Variants in PLA2G4D observed in about 807,000 individuals in gnomAD.
The protein encoded by PLA2G4D is cytosolic phospholipase A2 delta.
Under a neutral mutation model 94.4 loss-of-function variants are expected in PLA2G4D, and 80 were observed. That is an observed-to-expected ratio of 0.85 (90% CI 0.71 to 1.02). PLA2G4D has a LOEUF of 1.02. Among genes scored for constraint, PLA2G4D ranks in the 50% least tolerant of loss-of-function variants. The pLI is 0.00. For synonymous variants in PLA2G4D, 438 were observed against 440.9 expected (o/e 0.99, Z 0.08); for missense variants, 1,050 against 1,034.7 (o/e 1.01, Z -0.20).
intron 1 of PLA2G4D, among the ~76,000 whole-genome samples, chr15:42,093,023 G>C (rs1176092729): frequency 6.6e-6 from 1 of 152,196 alleles, no homozygotes; most frequent in African/African-American, 2.4e-5. Context: ...ACCTCCCTCA[G>C]GCTGGGCTGA....
intron 8 of PLA2G4D, among the ~76,000 whole-genome samples, chr15:42,082,693 C>T (rs976602340): frequency 6.6e-6 from 1 of 151,906 alleles, no homozygotes; most frequent in Non-Finnish European, 1.5e-5. Flanking sequence ...AGGTGGAGTG[C>T]GTGGGGTTTA....
chr15:42,069,027 T>C (rs1394763182), intron 19 of PLA2G4D, 86 bp from the exon 20 acceptor site: 19 of 1,224,960 alleles, frequency 1.6e-5, no homozygotes, highest in Non-Finnish European at 2.1e-5. Flanking sequence ...CTGCCCCCGC[T>C]GGAGGGGCCC....
rs577843274 is a variant in PLA2G4D, at chr15:42,080,340, T to C, written c.1095-581A>G. 2.0e-5 allele frequency among the ~76,000 whole-genome samples: 3 copies of C among 152,256 alleles called. No homozygotes were observed. The South Asian group carries it at 6.2e-4, about 32-fold the overall frequency. Reference sequence around the variant, plus strand: ...GAGGCGTTTCCTCTTCTTTTACTCCTCAAAGTCGCATTTCAATAAGACTCA... The same window carrying C: ...GAGGCGTTTCCTCTTCTTTTACTCCCCAAAGTCGCATTTCAATAAGACTCA... On this transcript the variant is annotated intron_variant, in intron 12 of 19. Transcript: ENST00000290472.
chr15:42,080,918 C>G lies in PLA2G4D; in HGVS notation c.1094+79G>C, dbSNP rs72727758. ...ATCACACCTACTTGGCCTCCCCACA[C>G]AAAGTGTCCCTCTGGTGCCCACTCT... On this transcript the variant is annotated intron_variant, in intron 12 of 19. Coordinates refer to ENST00000290472, the MANE Select transcript of PLA2G4D (RefSeq NM_178034.4). The G allele has an allele frequency of 8.6e-6, 13 of 1,518,674 alleles. No individual in the cohort carries two copies. In the East Asian group the frequency reaches 3.1e-4, roughly 36 times the overall value. 94.1% of individuals were successfully genotyped at this position (1,518,674 alleles called of 1,614,324 possible).
At chr15:42,081,370 C>T (rs1362876076) in intron 11 of PLA2G4D, 109 bp downstream of exon 11, 25 of 1,509,204 alleles carry the variant, frequency 1.7e-5, no homozygotes, top group Non-Finnish European at 2.0e-5. Flanking sequence ...TGTCTCCACA[C>T]ACATGCCCAC....
In PLA2G4D at chr15:42,071,916, T is replaced by G. The variant is rs755967325; in HGVS notation, c.1436-5A>C. The G allele has an allele frequency of 8.7e-6, 14 of 1,613,538 alleles. No homozygotes were observed. The highest frequency in any genetic ancestry group is 1.1e-5 in the Non-Finnish European group (13 of 1,179,734). ...AGGGGGAGAACTCAACCCACTCTAA[T>G]GGGGTGGGAAGGAGAGGCAGGAGTG... On this transcript the variant is annotated splice_polypyrimidine_tract_variant and splice_region_variant and intron_variant, in intron 14 of 19. Coordinates refer to ENST00000290472, the MANE Select transcript of PLA2G4D (RefSeq NM_178034.4).
At chr15:42,069,378 A>T (rs1019075645) in intron 19 of PLA2G4D, among the ~76,000 whole-genome samples, 1 of 152,212 alleles carries the variant, frequency 6.6e-6, no homozygotes, top group African/African-American at 2.4e-5. Flanking sequence ...TGGGAGATCT[A>T]GAATGATGGT....
intron 1 of PLA2G4D, 117 bp downstream of exon 1, chr15:42,094,298 C>G: frequency 8.1e-7 from 1 of 1,235,668 alleles, no homozygotes; most frequent in Non-Finnish European, 1.2e-6. Flanking sequence ...TCTCAGACTC[C>G]CTCGCCCTCT....
At chr15:42,079,806 G>A (rs763223901) in intron 12 of PLA2G4D, 47 bp from the exon 13 acceptor site, 1 of 1,551,032 alleles carries the variant, frequency 6.4e-7, no homozygotes, top group East Asian at 2.3e-5. Context: ...GGCCCAGCAT[G>A]GGGCGCTGCA....
At position 42,072,227 on chromosome 15, in the gene PLA2G4D, AG is replaced by A. The variant is rs541178773; in HGVS notation, c.1435+47del. 305 of 1,495,712 alleles carry A rather than the reference AG, an allele frequency of 2.0e-4. No individual in the cohort carries two copies. The South Asian group carries it at 2.9e-3, about 14-fold the overall frequency. The allele number at this position is 1,495,712 out of a possible 1,614,324, so 92.7% of individuals were successfully genotyped here. ...TTCTCTGGGGGCTGTCGGGGTGCAG[AG>A]GGTTTGGGGGGTGGAGTATGTGGGA... is the stretch of plus-strand genomic sequence containing the variant. On this transcript the variant is annotated intron_variant, in intron 14 of 19. Coordinates refer to ENST00000290472, the MANE Select transcript of PLA2G4D (RefSeq NM_178034.4).
chr15:42,072,255 G>A lies in PLA2G4D; in HGVS notation c.1435+20C>T. 1.3e-6 allele frequency: 2 copies of A among 1,589,682 alleles called. No homozygotes were observed. Among genetic ancestry groups the A allele is most frequent in the African/African-American group, 1.3e-5 (1 of 74,518 alleles). ...GTTTGGGGGGTGGAGTATGTGGGAG[G>A]GGAGTAGGTAGAACTGTACCCTTGA... On this transcript the variant is annotated intron_variant, in intron 14 of 19. Transcript: ENST00000290472.
Position 42,083,297 on chromosome 15 carries a change from C to A in PLA2G4D, c.573G>T (p.Gly191=). The A allele has an allele frequency of 6.2e-7, 1 of 1,614,084 alleles. No individual in the cohort carries two copies. The change falls in exon 8 of 20, where the codon GGG becomes GGT. Residue 191 remains glycine, a synonymous_variant. Transcript: ENST00000290472. ...AGGATGTCTGTGTGTCCTCATAGGA[C>A]CCCTTCAGCACCAGCTCCAGCTCCA... The part of the protein sequence containing the change: ...DKLELELVLK[G]SYEDTQTSFL...
rs1325149024 is a variant in PLA2G4D at position 42,084,697 on chromosome 15, G to A, written c.471+399C>T. On this transcript the variant is annotated intron_variant, in intron 6 of 19. Coordinates refer to ENST00000290472, the MANE Select transcript of PLA2G4D (RefSeq NM_178034.4). This position sits in a 1 kb window ranked among gnomAD's most constrained non-coding sequence, Gnocchi z 4.8. ...CTAGGTTGGCAGTACACCGCCCTGG[G>A]AACTCCCTCTGAGCCTCGGTGACCT... Among the ~76,000 whole-genome samples the A allele has an allele frequency of 6.6e-6, 1 of 152,162 alleles. No homozygotes were observed. Among genetic ancestry groups the A allele is most frequent in the Non-Finnish European group, 1.5e-5 (1 of 68,026 alleles).
At chr15:42,087,253 G>A (rs746574793) in intron 3 of PLA2G4D, 47 bp downstream of exon 3, 2 of 1,612,304 alleles carry the variant, frequency 1.2e-6, no homozygotes, top group Non-Finnish European at 1.7e-6. Flanking sequence ...CTTGCATGGG[G>A]GTCCAGCCCG....
chr15:42,069,847 GGGGCCCA>G, intron 19 of PLA2G4D, 55 bp downstream of exon 19: 2 of 1,288,228 alleles, frequency 1.6e-6, no homozygotes, highest in Non-Finnish European at 2.0e-6. Flanking sequence ...GGGCAGCCGG[GGGGCCCA>G]GGGCAGGCCT....
At chr15:42,081,352 C>T (rs1170672629) in intron 11 of PLA2G4D, 127 bp downstream of exon 11, 13 of 1,470,082 alleles carry the variant, frequency 8.8e-6, no homozygotes, top group South Asian at 4.0e-5. Context: ...AGCCCACTCA[C>T]GCTCCCATGT....
intron 13 of PLA2G4D, among the ~76,000 whole-genome samples, chr15:42,076,719 T>C (rs1486791333): frequency 2.0e-5 from 3 of 152,172 alleles, no homozygotes; most frequent in African/African-American, 4.8e-5. Context: ...GCCCAAGATA[T>C]AGAGAAAAAA....
chr15:42,071,403 C>A, intron 16 of PLA2G4D, 41 bp downstream of exon 16: 1 of 1,581,378 alleles, frequency 6.3e-7, no homozygotes, highest in South Asian at 1.1e-5. Flanking sequence ...TCTAAAGGAA[C>A]AGCGTCATCC....
chr15:42,087,939 T>C (rs1846230313), intron 1 of PLA2G4D, among the ~76,000 whole-genome samples: 1 of 152,216 alleles, frequency 6.6e-6, no homozygotes. Flanking sequence ...ATGTGGAATT[T>C]GTGGAACCCC....
Sources: allele counts gnomAD v4.1 joint callset (sites outside exome capture counted in the v4.1 genomes callset), GRCh38; gene constraint gnomAD v4.1.1; non-coding constraint Gnocchi (gnomAD v3.1); transcripts MANE v1.5; gene names NCBI Gene and HGNC (gene_info 2026-07-23, HGNC 2026-07-21).